ACYP2: variants seen among roughly 807,000 people sequenced by gnomAD.
ACYP2 encodes acylphosphatase-2.
Under a neutral mutation model 11.2 loss-of-function variants are expected in ACYP2, and 12 were observed. The observed-to-expected ratio is 1.08, with a 90% CI of 0.69 to 1.74. The LOEUF (loss-of-function observed/expected upper bound fraction) is 1.74. Among genes scored for constraint, ACYP2 ranks in the 40% most tolerant of loss-of-function variants. The pLI is 0.00. For missense variants in ACYP2, 134 were observed against 101.9 expected (o/e 1.31, Z -1.35); for synonymous variants, 43 against 32.2 (o/e 1.33, Z -1.13).
At chr2:53,979,750 A>G (rs925206763) in intron 2 of ACYP2, among the ~76,000 whole-genome samples, 19 of 151,788 alleles carry the variant, frequency 1.3e-4, no homozygotes, top group Non-Finnish European at 2.4e-4. Context: ...GGCTCAGGCT[A>G]GAGTGCAGTG....
intron 6 of ACYP2, chr2:54,255,575 G>T (rs763306307): frequency 2.5e-6 from 4 of 1,612,530 alleles, no homozygotes; most frequent in African/African-American, 1.3e-5. Context: ...AGGGGCCCGG[G>T]CCCGGGCCCA....
chr2:54,142,009 G>A (rs200917732), intron 6 of ACYP2: 2 of 440,064 alleles, frequency 4.5e-6, no homozygotes, highest in Non-Finnish European at 8.0e-6. Context: ...GTGTGTGTGT[G>A]TGTATATTTT....
rs1683602874 is a variant in ACYP2 at position 54,179,258 on chromosome 2, G to C, written c.404+40510G>C. On this transcript the variant is annotated intron_variant, in intron 6 of 6. Transcript: ENST00000607452. ...TGGTGTGAGGGGTGGGTGGGTGGGTGGGGGAGGAGCATCTCCCCACCACCA... is the reference window on the plus strand; with the variant it reads ...TGGTGTGAGGGGTGGGTGGGTGGGTCGGGGAGGAGCATCTCCCCACCACCA... 2.7e-5 allele frequency among the ~76,000 whole-genome samples: 4 copies of C among 148,846 alleles called. No individual in the cohort carries two copies. In the East Asian group the frequency reaches 8.0e-4, roughly 30 times the overall value.
chr2:54,014,313 CT>C (rs1398934255), intron 2 of ACYP2, among the ~76,000 whole-genome samples: 1 of 151,972 alleles, frequency 6.6e-6, no homozygotes, highest in Non-Finnish European at 1.5e-5. Context: ...CACTTTATTT[CT>C]TTTTTTACCT....
At chr2:54,091,487 G>T in intron 4 of ACYP2, among the ~76,000 whole-genome samples, 1 of 136,246 alleles carries the variant, frequency 7.3e-6, no homozygotes, top group African/African-American at 2.8e-5. Context: ...TCACTCTCTT[G>T]ATTTTATTTA....
At chr2:54,051,150 C>A in intron 3 of ACYP2, 1 of 695,522 alleles carries the variant, frequency 1.4e-6, no homozygotes, top group South Asian at 1.7e-5. Flanking sequence ...CAGCACTGGG[C>A]AAGTGAGAAC....
intron 6 of ACYP2, among the ~76,000 whole-genome samples, chr2:54,295,600 C>T (rs1159478586): frequency 6.6e-6 from 1 of 152,056 alleles, no homozygotes; most frequent in Non-Finnish European, 1.5e-5. Context: ...ATTCAGTATA[C>T]ATTTATTTCT....
At chr2:54,067,289 T>C (rs573020450) in intron 4 of ACYP2, among the ~76,000 whole-genome samples, 16 of 152,296 alleles carry the variant, frequency 1.1e-4, no homozygotes, top group Admixed American at 3.9e-4. Flanking sequence ...TCTTCATATT[T>C]TTTTCTTACC....
chr2:54,222,783 G>A (rs995947605), intron 6 of ACYP2, among the ~76,000 whole-genome samples: 1 of 151,998 alleles, frequency 6.6e-6, no homozygotes, highest in African/African-American at 2.4e-5. Context: ...CCCTTCATAT[G>A]TCCTTGGAGG....
chr2:54,016,997 T>A (rs1673724430), intron 2 of ACYP2, among the ~76,000 whole-genome samples: 1 of 150,240 alleles, frequency 6.7e-6, no homozygotes, highest in Non-Finnish European at 1.5e-5. Context: ...AGTGCTGAGA[T>A]TACAGGCGTG....
Position 54,232,865 on chromosome 2 carries a change from C to A in ACYP2, c.405-71823C>A, listed in dbSNP as rs537921420. Among the ~76,000 whole-genome samples, 28 of 152,256 alleles carry A rather than the reference C, an allele frequency of 1.8e-4. No individual in the cohort carries two copies. In the East Asian group the frequency reaches 5.4e-3, roughly 29 times the overall value. The stretch of plus-strand genomic sequence containing the variant: ...ATCCGCCCCCAAGATGCAGTCACCT[C>A]CCACCAGGCCCCTCCCTTGACATAT... On this transcript the variant is annotated intron_variant, in intron 6 of 6. Transcript: ENST00000607452.
intron 6 of ACYP2, among the ~76,000 whole-genome samples, chr2:54,232,168 C>T (rs868381756): frequency 6.2e-4 from 94 of 152,234 alleles, no homozygotes; most frequent in African/African-American, 2.1e-3. Flanking sequence ...GATAATTCTT[C>T]ACCGGGTTCT....
chr2:54,254,969 C>G (rs1687421804), intron 6 of ACYP2: 2 of 1,613,688 alleles, frequency 1.2e-6, no homozygotes, highest in African/African-American at 2.7e-5. Context: ...GGCTCCCTTA[C>G]CAGGCGACGT....
chr2:54,039,947 C>T (rs1675137581), intron 2 of ACYP2, among the ~76,000 whole-genome samples: 1 of 150,692 alleles, frequency 6.6e-6, no homozygotes, highest in Admixed American at 6.6e-5. Context: ...CCCCAAACTC[C>T]TGGGCTTAAG....
chr2:54,110,980 T>A (rs1427601493), intron 4 of ACYP2, among the ~76,000 whole-genome samples: 1 of 151,990 alleles, frequency 6.6e-6, no homozygotes. Context: ...GGCAGAGATA[T>A]GAGCCTCCAT....
intron 3 of ACYP2, among the ~76,000 whole-genome samples, chr2:54,052,831 T>A (rs934009348): frequency 6.6e-6 from 1 of 152,206 alleles, no homozygotes; most frequent in Non-Finnish European, 1.5e-5. Flanking sequence ...GAGGACAAGA[T>A]ACACTCTAGT....
chr2:54,189,973 C>T (rs982215086), intron 6 of ACYP2, among the ~76,000 whole-genome samples: 1 of 152,234 alleles, frequency 6.6e-6, no homozygotes, highest in East Asian at 1.9e-4. Context: ...AGCATCTTTT[C>T]GTATACCTGT....
At chr2:54,217,306 AAATT>A (rs1000739574) in intron 6 of ACYP2, among the ~76,000 whole-genome samples, 9 of 152,210 alleles carry the variant, frequency 5.9e-5, no homozygotes, top group Non-Finnish European at 8.8e-5. Flanking sequence ...GATACTGAAA[AAATT>A]AATTATTTTA....
At chr2:54,123,637 CCT>C (rs1558546478) in intron 4 of ACYP2, among the ~76,000 whole-genome samples, 2 of 152,118 alleles carry the variant, frequency 1.3e-5, no homozygotes, top group African/African-American at 4.8e-5. Context: ...CCCACTTCTT[CCT>C]CCATCCCCTG....
Sources: allele counts gnomAD v4.1 joint callset (sites outside exome capture counted in the v4.1 genomes callset), GRCh38; gene constraint gnomAD v4.1.1; transcripts MANE v1.5; gene names NCBI Gene and HGNC (gene_info 2026-07-23, HGNC 2026-07-21).